EML4: variants seen among roughly 807,000 people sequenced by gnomAD.
The protein encoded by EML4 is echinoderm microtubule-associated protein-like 4.
A neutral mutation model predicts 129.0 loss-of-function variants in EML4; 72 were observed. The observed-to-expected ratio is 0.56, with a 90% confidence interval of 0.46 to 0.68. EML4 has a LOEUF of 0.68. EML4 is among the 30% of genes least tolerant of loss of function. The pLI is 0.00. For synonymous variants in EML4, 532 were observed against 405.0 expected (o/e 1.31, Z -3.77); for missense variants, 1,363 against 1,190.6 (o/e 1.14, Z -2.13).
chr2:42,301,359 G>T lies in EML4; in HGVS notation c.1608G>T (p.Trp536Cys), dbSNP rs1308195169. Residue 536 changes from tryptophan to cysteine, a missense_variant, in exon 14 of 23, where the codon TGG (tryptophan) becomes TGT (cysteine). Coordinates refer to ENST00000318522, the MANE Select transcript of EML4 (RefSeq NM_019063.5). ...GGAAAGACAGAAAAATAATTCTGTG[G>T]GATCATGATCTGAATCCTGAAAGAG... ...GGGKDRKIIL[W>C]DHDLNPEREI... 1.2e-6 allele frequency: 2 copies of T among 1,612,552 alleles called. No individual in the cohort carries two copies. The highest frequency in any genetic ancestry group is 1.7e-5 in the Admixed American group (1 of 59,826).
chr2:42,244,476 C>T (rs1675256905), intron 1 of EML4, among the ~76,000 whole-genome samples: 2 of 152,310 alleles, frequency 1.3e-5, no homozygotes, highest in East Asian at 1.9e-4. Flanking sequence ...CATAACTTTG[C>T]AAGTCCTTTG....
In EML4 at chr2:42,278,618, G is replaced by A. The variant is rs866582112; in HGVS notation, c.668-2232G>A. 5.4e-4 allele frequency among the ~76,000 whole-genome samples: 77 copies of A among 141,312 alleles called. No homozygotes were observed. The Middle Eastern group carries it at 0.011, about 21-fold the overall frequency. 92.7% of individuals were successfully genotyped at this position (141,312 alleles called of 152,430 possible). A position where few individuals can be genotyped will look rare whatever the true frequency, so the allele number is the denominator to read the frequency against. Reference sequence around the variant, plus strand: ...AAAAAAAAAAATCCATCAGTTGAGTGAAGTATTTTCTTTTGTAAAAGATGT... The same window carrying A: ...AAAAAAAAAAATCCATCAGTTGAGTAAAGTATTTTCTTTTGTAAAAGATGT... On this transcript the variant is annotated intron_variant, in intron 6 of 22. Coordinates refer to ENST00000318522, the MANE Select transcript of EML4 (RefSeq NM_019063.5).
chr2:42,252,292 A>G (rs1675826699), intron 2 of EML4, among the ~76,000 whole-genome samples: 1 of 152,162 alleles, frequency 6.6e-6, no homozygotes, highest in African/African-American at 2.4e-5. Flanking sequence ...AGTGAATAGC[A>G]TTCTTTTGTC....
intron 11 of EML4, chr2:42,289,067 T>TGGGGGG (rs1175897899): frequency 6.6e-6 from 1 of 152,232 alleles, no homozygotes; most frequent in Non-Finnish European, 1.5e-5. Flanking sequence ...TTTAGCTTGT[T>TGGGGGG]GGGCAGAAAG....
intron 1 of EML4, among the ~76,000 whole-genome samples, chr2:42,193,691 T>TC (rs1671732835): frequency 6.6e-6 from 1 of 152,036 alleles, no homozygotes; most frequent in African/African-American, 2.4e-5. Flanking sequence ...TTTTTTTTTT[T>TC]CCTTTTCTTA....
At chr2:42,284,581 T>A (rs1471158925) in intron 8 of EML4, 53 bp from the exon 9 acceptor site, 1 of 1,294,190 alleles carries the variant, frequency 7.7e-7, no homozygotes, top group Non-Finnish European at 1.1e-6. Flanking sequence ...ACAAAGGTAT[T>A]CTGTTGTTTC....
rs780699344 is a variant in EML4, at chr2:42,280,937, C to T, written c.755C>T (p.Thr252Met). The change falls in exon 7 of 23, where the codon ACG becomes ATG. Residue 252 changes from threonine (T) to methionine (M), a missense_variant. Physicochemically the swap from Thr to Met is moderately conservative, Grantham distance 81. Coordinates refer to ENST00000318522, the MANE Select transcript of EML4 (RefSeq NM_019063.5). ...SDVDNYDDIR[T>M]ELPPEKLKLE... ...GTTGACAACTATGATGACATCAGAACGGAACTGCCTCCTGAGAAGCTCAAA... is the reference window on the plus strand; with the variant it reads ...GTTGACAACTATGATGACATCAGAATGGAACTGCCTCCTGAGAAGCTCAAA... The T allele has an allele frequency of 1.9e-5, 31 of 1,611,398 alleles. No homozygotes were observed. Among genetic ancestry groups the T allele is most frequent in the East Asian group, 1.1e-4 (5 of 44,860 alleles).
intron 6 of EML4, 36 bp downstream of exon 6, chr2:42,264,767 C>T (rs765460847): frequency 6.9e-7 from 1 of 1,458,724 alleles, no homozygotes; most frequent in Non-Finnish European, 9.5e-7. Context: ...TTTATTTTGC[C>T]CTTCTTAGTT....
intron 2 of EML4, among the ~76,000 whole-genome samples, chr2:42,247,711 C>T (rs76392421): frequency 1.2e-4 from 18 of 151,640 alleles, no homozygotes; most frequent in East Asian, 7.8e-4. Context: ...CTTTGAGGAC[C>T]GCCAAGATCA....
intron 18 of EML4, among the ~76,000 whole-genome samples, chr2:42,316,375 C>G (rs1669245682): frequency 6.6e-6 from 1 of 152,166 alleles, no homozygotes; most frequent in Admixed American, 6.5e-5. Flanking sequence ...AATGTCACAT[C>G]TGGTTAGCAA....
intron 1 of EML4, among the ~76,000 whole-genome samples, chr2:42,195,857 G>A (rs562760915): frequency 1.3e-5 from 2 of 152,312 alleles, no homozygotes; most frequent in East Asian, 1.9e-4. Context: ...ATTGTACCAA[G>A]TGTTATTAAA....
chr2:42,330,210 C>G lies in EML4; in HGVS notation c.*3C>G. The G allele has an allele frequency of 1.2e-6, 2 of 1,612,460 alleles. No individual in the cohort carries two copies. Among genetic ancestry groups the G allele is most frequent in the Non-Finnish European group, 1.7e-6 (2 of 1,179,312 alleles). On this transcript the variant is annotated 3_prime_UTR_variant, in exon 23 of 23. Transcript: ENST00000318522. Reference sequence around the variant, plus strand: ...AAGACCCTTCGCCCTCGTCCTAACACCCTGGCTTCAGTGCAACTCTTTTCC... The same window carrying G: ...AAGACCCTTCGCCCTCGTCCTAACAGCCTGGCTTCAGTGCAACTCTTTTCC...
intron 6 of EML4, among the ~76,000 whole-genome samples, chr2:42,272,957 C>T (rs986120097): frequency 2.0e-5 from 3 of 152,126 alleles, no homozygotes; most frequent in African/African-American, 7.2e-5. Context: ...TCTCATTAAT[C>T]CTGTTTAATC....
In EML4 at chr2:42,317,149, C is replaced by G. The variant is rs182241235; in HGVS notation, c.2057-278C>G. 1.1e-3 allele frequency among the ~76,000 whole-genome samples: 163 copies of G among 152,260 alleles called. 1 individual carries two copies. The highest frequency in any genetic ancestry group is 9.1e-3 in the South Asian group (44 of 4,832). On this transcript the variant is annotated intron_variant, in intron 18 of 22. Transcript: ENST00000318522. ...CAGCCTGCCATGTAAACACTGTACC[C>G]TTCCACCCAAGAAGGCAGGATAACC...
At chr2:42,193,018 C>G (rs1049497622) in intron 1 of EML4, among the ~76,000 whole-genome samples, 1 of 152,156 alleles carries the variant, frequency 6.6e-6, no homozygotes, top group Non-Finnish European at 1.5e-5. Flanking sequence ...GTTGGCTCCA[C>G]TTAGCCAAAC....
chr2:42,186,041 G>A (rs1671231971), intron 1 of EML4, among the ~76,000 whole-genome samples: 1 of 152,008 alleles, frequency 6.6e-6, no homozygotes, highest in African/African-American at 2.4e-5. Flanking sequence ...CAATTAAAAA[G>A]GCCCCAAAAA....
At chr2:42,225,222 G>T (rs1377616367) in intron 1 of EML4, among the ~76,000 whole-genome samples, 2 of 152,058 alleles carry the variant, frequency 1.3e-5, no homozygotes, top group African/African-American at 4.8e-5. Context: ...GAACATTGGT[G>T]TATAAAAGTA....
intron 1 of EML4, among the ~76,000 whole-genome samples, chr2:42,176,099 A>C (rs1670587352): frequency 6.6e-6 from 1 of 151,826 alleles, no homozygotes; most frequent in African/African-American, 2.4e-5. Flanking sequence ...TACATACCTG[A>C]ATCTGAACTT....
intron 2 of EML4, among the ~76,000 whole-genome samples, chr2:42,255,085 TTTTTCTTTTCTTTTCTTTGAGACG>T (rs1676038872): frequency 6.6e-6 from 1 of 151,940 alleles, no homozygotes; most frequent in Non-Finnish European, 1.5e-5. Flanking sequence ...TTTTGTTTTT[TTTTTCTTTTCTTTTCTTTGAGACG>T]GAGTCTTGCT....
Sources: allele counts gnomAD v4.1 joint callset (sites outside exome capture counted in the v4.1 genomes callset), GRCh38; gene constraint gnomAD v4.1.1; transcripts MANE v1.5; gene names NCBI Gene and HGNC (gene_info 2026-07-23, HGNC 2026-07-21).